Variants in EXT2 observed in about 807,000 individuals in gnomAD.
The protein encoded by EXT2 is exostosin glycosyltransferase 2, also known as exostosin-2.
In EXT2, 53 loss-of-function variants were observed where a neutral mutation model predicts 81.6. The ratio of observed to expected loss-of-function variants is 0.65; its 90% confidence interval spans 0.52 to 0.82. The LOEUF is 0.82. EXT2 is among the 40% of genes least tolerant of loss of function. EXT2 has a pLI of 0.00. For missense variants in EXT2, 774 were observed against 910.2 expected, an observed-to-expected ratio of 0.85 and a Z score of 1.93; for synonymous variants, 320 against 340.0, an observed-to-expected ratio of 0.94 and a Z score of 0.65.
intron 10 of EXT2, among the ~76,000 whole-genome samples, chr11:44,217,440 T>C (rs939787432): frequency 6.6e-6 from 1 of 152,204 alleles, no homozygotes; most frequent in African/African-American, 2.4e-5. Context: ...CTTTGGGAAA[T>C]GTTCCATTCT....
At chr11:44,194,746 T>C (rs1955435680) in intron 8 of EXT2, among the ~76,000 whole-genome samples, 1 of 152,238 alleles carries the variant, frequency 6.6e-6, no homozygotes, top group Admixed American at 6.5e-5. Context: ...CAGTAAATCT[T>C]GACTGTTTCA....
At chr11:44,224,888 G>T (rs1246757090) in intron 10 of EXT2, among the ~76,000 whole-genome samples, 1 of 152,100 alleles carries the variant, frequency 6.6e-6, no homozygotes, top group African/African-American at 2.4e-5. Flanking sequence ...AATTTTGAAG[G>T]CCCAATAATA....
intron 4 of EXT2, among the ~76,000 whole-genome samples, chr11:44,123,983 C>G (rs1410148819): frequency 1.3e-5 from 2 of 148,574 alleles, no homozygotes; most frequent in Non-Finnish European, 3.0e-5. Context: ...CCCATCTGGT[C>G]TCTCCAAAAT....
intron 10 of EXT2, among the ~76,000 whole-genome samples, chr11:44,227,631 T>C (rs967098442): frequency 2.6e-5 from 4 of 152,224 alleles, no homozygotes; most frequent in African/African-American, 9.6e-5. Context: ...AGGTAGAAGA[T>C]ATTTGTTTGA....
chr11:44,144,295 C>T, intron 7 of EXT2: 15 of 1,598,434 alleles, frequency 9.4e-6, no homozygotes, highest in Non-Finnish European at 1.3e-5. Flanking sequence ...TGCTAATCAC[C>T]AAATGAACTC....
chr11:44,106,045 C>G (rs148683884), intron 1 of EXT2, among the ~76,000 whole-genome samples: 47 of 152,288 alleles, frequency 3.1e-4, no homozygotes, highest in African/African-American at 1.1e-3. Flanking sequence ...TAGAGCATGG[C>G]GGCTGGATTC....
chr11:44,195,299 T>G (rs1283971271), intron 8 of EXT2, among the ~76,000 whole-genome samples: 7 of 152,068 alleles, frequency 4.6e-5, no homozygotes, highest in African/African-American at 1.7e-4. Flanking sequence ...CCCAGTGTGG[T>G]GGTGCATGCC....
intron 8 of EXT2, among the ~76,000 whole-genome samples, chr11:44,188,396 G>C (rs531845807): frequency 1.9e-4 from 29 of 152,208 alleles, no homozygotes; most frequent in African/African-American, 6.3e-4. Context: ...GAGTAAAGAA[G>C]GAGTAAACCT....
chr11:44,113,513 G>T (rs1175725403), intron 3 of EXT2, among the ~76,000 whole-genome samples: 1 of 152,216 alleles, frequency 6.6e-6, no homozygotes, highest in Middle Eastern at 3.2e-3. Context: ...GTAACGGCTA[G>T]TACAAGCAAA....
rs193002714 is a variant in EXT2, at chr11:44,221,900, T to C, written c.1663-10453T>C. Among the ~76,000 whole-genome samples the C allele has an allele frequency of 1.2e-3, 180 of 152,264 alleles. 2 individuals carry two copies. The highest frequency in any genetic ancestry group is 1.5e-3 in the Non-Finnish European group (102 of 68,012). ...TGCATTAGACATAGTGATTCCACAT[T>C]TGGGGAGAATAAAGAGAAAGAAAAC... On this transcript the variant is annotated intron_variant, in intron 10 of 13. Coordinates refer to ENST00000533608, the MANE Select transcript of EXT2 (RefSeq NM_207122.2).
At chr11:44,174,620 A>C (rs1461533579) in intron 8 of EXT2, among the ~76,000 whole-genome samples, 1 of 152,028 alleles carries the variant, frequency 6.6e-6, no homozygotes, top group Non-Finnish European at 1.5e-5. Flanking sequence ...ACAGTTGTTT[A>C]CTTTTTTTAG....
chr11:44,124,123 G>A (rs761180739), intron 4 of EXT2, among the ~76,000 whole-genome samples: 1 of 152,214 alleles, frequency 6.6e-6, no homozygotes, highest in Non-Finnish European at 1.5e-5. Flanking sequence ...CCATCCAGAT[G>A]TTAAGACTGG....
chr11:44,142,401 A>G (rs1954658144), intron 7 of EXT2, among the ~76,000 whole-genome samples: 1 of 152,216 alleles, frequency 6.6e-6, no homozygotes, highest in Non-Finnish European at 1.5e-5. Flanking sequence ...TTCTGGCAAT[A>G]TAGTTATTTT....
chr11:44,207,073 C>T (rs559723704), intron 10 of EXT2, 114 bp downstream of exon 10: 2 of 1,245,230 alleles, frequency 1.6e-6, no homozygotes, highest in East Asian at 4.7e-5. Context: ...TTTCTAAAAT[C>T]TTCCAGTAGA....
At chr11:44,123,503 T>C (rs1188467872) in intron 4 of EXT2, among the ~76,000 whole-genome samples, 1 of 152,190 alleles carries the variant, frequency 6.6e-6, no homozygotes, top group African/African-American at 2.4e-5. Flanking sequence ...ACTGATTCCT[T>C]GTGGTCCCTC....
intron 7 of EXT2, among the ~76,000 whole-genome samples, chr11:44,133,021 T>C (rs1433626759): frequency 6.6e-6 from 1 of 152,196 alleles, no homozygotes; most frequent in Non-Finnish European, 1.5e-5. Context: ...TAGATTCCAA[T>C]AGCACCCCTC....
chr11:44,130,382 A>T (rs1954474896), intron 7 of EXT2, among the ~76,000 whole-genome samples: 1 of 152,242 alleles, frequency 6.6e-6, no homozygotes, highest in Non-Finnish European at 1.5e-5. Context: ...ACCATAGCAG[A>T]TGCAAAGCTG....
At position 44,251,806 on chromosome 11, in the gene EXT2, G is replaced by A. The variant is rs1019036515; in HGVS notation, c.*7519G>A. On this transcript the variant is annotated 3_prime_UTR_variant, in exon 14 of 14. Coordinates refer to ENST00000533608, the MANE Select transcript of EXT2 (RefSeq NM_207122.2). ...TCAGTCAACAAATACTTATTGAGCA[G>A]TTATTGTGTGCCAGATACTGTTCTT... is the stretch of plus-strand genomic sequence containing the variant. Among the ~76,000 whole-genome samples, 4 of 152,176 alleles carry A rather than the reference G, an allele frequency of 2.6e-5. No homozygotes were observed. The highest frequency in any genetic ancestry group is 5.9e-5 in the Non-Finnish European group (4 of 68,032).
intron 12 of EXT2, among the ~76,000 whole-genome samples, chr11:44,235,855 G>A (rs577631137): frequency 5.9e-5 from 9 of 152,300 alleles, no homozygotes; most frequent in African/African-American, 2.2e-4. Context: ...ATCCTCAAGA[G>A]CATGGTGCTG....
Sources: gnomAD v4.1 joint callset for allele counts (sites outside exome capture counted in the v4.1 genomes callset) on GRCh38, gnomAD v4.1.1 for gene constraint, MANE v1.5 for transcripts, NCBI Gene and HGNC (gene_info 2026-07-23, HGNC 2026-07-21) for gene names.